TMEM240: variants seen among roughly 807,000 people sequenced by gnomAD.
The protein encoded by TMEM240 is transmembrane protein 240.
In TMEM240, 3 loss-of-function variants were observed where a neutral mutation model predicts 19.5. The observed-to-expected ratio is 0.15, with a 90% CI of 0.07 to 0.40. The LOEUF is 0.40. Among genes scored for constraint, TMEM240 ranks in the 10% least tolerant of loss-of-function variants. The pLI, the probability that TMEM240 is intolerant of heterozygous loss-of-function variation, is 1.00. For synonymous variants in TMEM240, 123 were observed against 109.3 expected (o/e 1.13, Z -0.78); for missense variants, 210 against 253.5 (o/e 0.83, Z 1.17).
At chr1:1,537,327 C>A (rs557255625) in intron 2 of TMEM240, among the ~76,000 whole-genome samples, 73 of 152,214 alleles carry the variant, frequency 4.8e-4, no homozygotes, top group African/African-American at 1.7e-3. Flanking sequence ...TGGTGACGAG[C>A]CTGTCCACAG....
chr1:1,538,812 C>T (rs1642259251), intron 2 of TMEM240, among the ~76,000 whole-genome samples: 1 of 152,228 alleles, frequency 6.6e-6, no homozygotes, highest in South Asian at 2.1e-4. Flanking sequence ...CACAGAGACC[C>T]CCGGAGCAGG....
chr1:1,535,474 C>T lies in TMEM240; in HGVS notation c.407G>A (p.Ser136Asn), dbSNP rs975998629. 2.0e-5 allele frequency: 31 copies of T among 1,548,528 alleles called. No homozygotes were observed. Among genetic ancestry groups the T allele is most frequent in the Admixed American group, 5.9e-5 (3 of 50,886 alleles). ...GSWTWLPKLC[S>N]LRELGRRPHR... ...CGGCCGCCGGCCCAGCTCCCGCAGG[C>T]TGCACAGCTTGGGCAGCCAGGTCCA... Residue 136 changes from serine to asparagine, a missense_variant, in exon 4 of 4, where the codon AGC becomes AAC. By Grantham distance (46) the Ser-to-Asn change is conservative. Around this residue, in one of 3 missense-constraint regions of TMEM240, gnomAD observed 157 missense variants for 168.2 expected, o/e 0.93. Coordinates refer to ENST00000378733, the MANE Select transcript of TMEM240 (RefSeq NM_001114748.2). The surrounding 1 kb of genome is among the most constrained non-coding windows in gnomAD (Gnocchi z 8.2).
chr1:1,535,449 C>A lies in TMEM240; in HGVS notation c.432G>T (p.Pro144=). 6.5e-7 allele frequency: 1 copy of A among 1,549,024 alleles called. No homozygotes were observed. Among genetic ancestry groups the A allele is most frequent in the Non-Finnish European group, 8.7e-7 (1 of 1,146,274 alleles). Residue 144 remains proline, a synonymous_variant, in exon 4 of 4, where the codon CCG becomes CCT. Transcript: ENST00000378733. The surrounding 1 kb of genome is among the most constrained non-coding windows in gnomAD (Gnocchi z 8.2). ...LCSLRELGRR[P]HRPFEEAAGN... ...CGGCGGCCTCCTCGAAGGGCCTGTG[C>A]GGCCGCCGGCCCAGCTCCCGCAGGC...
At chr1:1,538,651 C>G (rs1642257110) in intron 2 of TMEM240, among the ~76,000 whole-genome samples, 1 of 152,242 alleles carries the variant, frequency 6.6e-6, no homozygotes, top group African/African-American at 2.4e-5. Flanking sequence ...ACCCTGTGCC[C>G]AGCACACGTG....
chr1:1,540,560 C>T lies in TMEM240; in HGVS notation c.-214G>A, dbSNP rs1203232243. 4.8e-5 allele frequency: 8 copies of T among 166,148 alleles called. No homozygotes were observed. In the East Asian group the frequency reaches 1.1e-3, roughly 22 times the overall value. The allele number at this position is 166,148 out of a possible 1,614,324, so 10.3% of individuals were successfully genotyped here. A position where few individuals can be genotyped will look rare whatever the true frequency, so the allele number is the denominator to read the frequency against. On this transcript the variant is annotated 5_prime_UTR_variant, in exon 1 of 4. Coordinates refer to ENST00000378733, the MANE Select transcript of TMEM240 (RefSeq NM_001114748.2). ...CGGGGCCTTTCTGGGGTCTCTCGGC[C>T]CGGCCCGCCGCGCTCCGCTCCGCCC...
intron 2 of TMEM240, among the ~76,000 whole-genome samples, chr1:1,537,749 G>A (rs549169363): frequency 6.6e-6 from 1 of 152,302 alleles, no homozygotes; most frequent in East Asian, 1.9e-4. Context: ...GTGATACTGT[G>A]GACATGGGCC....
At chr1:1,538,284 C>T (rs1329301715) in intron 2 of TMEM240, among the ~76,000 whole-genome samples, 2 of 152,322 alleles carry the variant, frequency 1.3e-5, no homozygotes, top group Admixed American at 6.5e-5. Flanking sequence ...GCAGCAATAC[C>T]GTCTACAGCA....
In TMEM240 at chr1:1,535,897, G is replaced by T; in HGVS notation, c.165-100C>A. On this transcript the variant is annotated intron_variant, in intron 2 of 3. Transcript: ENST00000378733. The surrounding 1 kb of genome is among the most constrained non-coding windows in gnomAD (Gnocchi z 8.2). Reference sequence around the variant, plus strand: ...GGTGGGGGTGTGACCGCGTCAGGCCGCCCTGGGGGTTCTCTGAAGCAGCCT... The same window carrying T: ...GGTGGGGGTGTGACCGCGTCAGGCCTCCCTGGGGGTTCTCTGAAGCAGCCT... 1.7e-6 allele frequency: 1 copy of T among 602,560 alleles called. No individual in the cohort carries two copies. The highest frequency in any genetic ancestry group is 2.8e-6 in the Non-Finnish European group (1 of 359,374). 37.3% of individuals were successfully genotyped at this position (602,560 alleles called of 1,614,324 possible).
In TMEM240 at chr1:1,535,182, C is replaced by G. The variant is rs575046391; in HGVS notation, c.*177G>C. On this transcript the variant is annotated 3_prime_UTR_variant, in exon 4 of 4. Transcript: ENST00000378733. The surrounding 1 kb of genome is among the most constrained non-coding windows in gnomAD (Gnocchi z 8.2). ...CCCCACCCTAGCCCACACCCCAACC[C>G]CCTTTATAAAAAGAAGAGACAGCAC... 2.2e-4 allele frequency: 155 copies of G among 690,374 alleles called. 3 individuals are homozygous for G. The Admixed American group carries it at 2.3e-3, about 10-fold the overall frequency. 42.8% of individuals were successfully genotyped at this position (690,374 alleles called of 1,614,324 possible). A position where few individuals can be genotyped will look rare whatever the true frequency, so the allele number is the denominator to read the frequency against.
chr1:1,536,219 T>C lies in TMEM240; in HGVS notation c.165-422A>G, dbSNP rs1642218486. 6.6e-6 allele frequency among the ~76,000 whole-genome samples: 1 copy of C among 152,092 alleles called. No homozygotes were observed. Among genetic ancestry groups the C allele is most frequent in the South Asian group, 2.1e-4 (1 of 4,834 alleles). On this transcript the variant is annotated intron_variant, in intron 2 of 3. Transcript: ENST00000378733. The surrounding 1 kb of genome is among the most constrained non-coding windows in gnomAD (Gnocchi z 5.4). ...CCCGCCCCGGGGCCGCGGAGGCCAC[T>C]TGGAGCAGAGCTGGACACAGGGAGC...
chr1:1,538,514 G>C (rs530404431), intron 2 of TMEM240, among the ~76,000 whole-genome samples: 11 of 152,364 alleles, frequency 7.2e-5, no homozygotes, highest in East Asian at 1.9e-4. Context: ...TCTGGAGCTC[G>C]GGTCTGGGCC....
At position 1,536,391 on chromosome 1, in the gene TMEM240, C is replaced by T. The variant is rs1044732401; in HGVS notation, c.165-594G>A. Among the ~76,000 whole-genome samples, 5 of 152,158 alleles carry T rather than the reference C, an allele frequency of 3.3e-5. No individual in the cohort carries two copies. Among genetic ancestry groups the T allele is most frequent in the Admixed American group, 6.5e-5 (1 of 15,276 alleles). ...CCCTGGGAGGTGCTGTCGGAGGCCA[C>T]GGGGGCTCTACCCAGCACCCCATCC... On this transcript the variant is annotated intron_variant, in intron 2 of 3. Coordinates refer to ENST00000378733, the MANE Select transcript of TMEM240 (RefSeq NM_001114748.2). This position sits in a 1 kb window ranked among gnomAD's most constrained non-coding sequence, Gnocchi z 5.4.
rs1464779610 is a variant in TMEM240, at chr1:1,535,650, C to G, written c.312G>C (p.Leu104=). 1 of 1,549,920 alleles carries G rather than the reference C, an allele frequency of 6.5e-7. No individual in the cohort carries two copies. Among genetic ancestry groups the G allele is most frequent in the Non-Finnish European group, 8.7e-7 (1 of 1,146,642 alleles). ...LLLGFCISWF[L]VWMDGVLHCA... The stretch of plus-strand genomic sequence containing the variant: ...AGTGCAGGACGCCGTCCATCCACAC[C>G]AGGAACCAGCTGATGCAAAAGCCCA... The change falls in exon 3 of 4, where the codon CTG becomes CTC. Residue 104 remains leucine, a synonymous_variant. Transcript: ENST00000378733. This position sits in a 1 kb window ranked among gnomAD's most constrained non-coding sequence, Gnocchi z 8.2.
At position 1,540,518 on chromosome 1, in the gene TMEM240, G is replaced by GA. The variant is rs1642291507; in HGVS notation, c.-173_-172insT. On this transcript the variant is annotated 5_prime_UTR_variant, in exon 1 of 4. Transcript: ENST00000378733. ...CGGGGGGAGGAGGCGCGGGGGGGGG[G>GA]GCGCCGGGGAGGGACGCGGGGCCTT... 1 of 167,360 alleles carries GA rather than the reference G, an allele frequency of 6.0e-6. No individual in the cohort carries two copies. Among genetic ancestry groups the GA allele is most frequent in the Admixed American group, 6.4e-5 (1 of 15,716 alleles). 10.4% of individuals were successfully genotyped at this position (167,360 alleles called of 1,614,324 possible).
chr1:1,540,242 C>A (rs1642282822), intron 1 of TMEM240, 48 bp downstream of exon 1: 4 of 1,147,600 alleles, frequency 3.5e-6, no homozygotes, highest in Non-Finnish European at 4.3e-6. Flanking sequence ...CCAGGCGGCG[C>A]GCGCGGGCGG....
intron 1 of TMEM240, 85 bp downstream of exon 1, chr1:1,540,205 G>C: frequency 1.1e-6 from 1 of 930,612 alleles, no homozygotes; most frequent in East Asian, 3.6e-5. Context: ...AGGCCGCACG[G>C]GCGGTAAACA....
At chr1:1,539,899 G>A in intron 1 of TMEM240, 109 bp from the exon 2 acceptor site, 2 of 902,910 alleles carry the variant, frequency 2.2e-6, no homozygotes, top group Non-Finnish European at 3.3e-6. Context: ...GAGCGAGAGC[G>A]CAGGCCGGGG....
Position 1,535,912 on chromosome 1 carries a change from TGAAG to T in TMEM240, c.165-119_165-116del. 1.6e-6 allele frequency: 1 copy of T among 624,504 alleles called. No individual in the cohort carries two copies. Among genetic ancestry groups the T allele is most frequent in the Non-Finnish European group, 2.8e-6 (1 of 356,632 alleles). 38.7% of individuals were successfully genotyped at this position (624,504 alleles called of 1,614,324 possible). On this transcript the variant is annotated intron_variant, in intron 2 of 3. Coordinates refer to ENST00000378733, the MANE Select transcript of TMEM240 (RefSeq NM_001114748.2). The surrounding 1 kb of genome is among the most constrained non-coding windows in gnomAD (Gnocchi z 8.2). ...GCGTCAGGCCGCCCTGGGGGTTCTC[TGAAG>T]CAGCCTCTTGGGCGGGCGGGTCGGG...
chr1:1,535,419 G>C lies in TMEM240; in HGVS notation c.462C>G (p.Asn154Lys), dbSNP rs1236701401. The C allele has an allele frequency of 6.5e-7, 1 of 1,549,724 alleles. No individual in the cohort carries two copies. The highest frequency in any genetic ancestry group is 1.2e-5 in the South Asian group (1 of 84,020). ...AGAGTTTCTGCTTCACGTGTACCAT[G>C]TTCCCGGCGGCCTCCTCGAAGGGCC... Reference protein sequence around the residue: ...PHRPFEEAAGNMVHVKQKLYH... With the variant: ...PHRPFEEAAGKMVHVKQKLYH... Residue 154 changes from asparagine (N) to lysine (K), a missense_variant, in exon 4 of 4, where the codon AAC (asparagine) becomes AAG (lysine). Around this residue, in one of 3 missense-constraint regions of TMEM240, gnomAD observed 157 missense variants for 168.2 expected, o/e 0.93. Transcript: ENST00000378733. This position sits in a 1 kb window ranked among gnomAD's most constrained non-coding sequence, Gnocchi z 8.2.
Sources: gnomAD v4.1 joint callset for allele counts (sites outside exome capture counted in the v4.1 genomes callset) on GRCh38, gnomAD v4.1.1 for gene constraint, gnomAD v4.1.1 regional missense constraint, Gnocchi (gnomAD v3.1) non-coding constraint, MANE v1.5 for transcripts, NCBI Gene and HGNC (gene_info 2026-07-23, HGNC 2026-07-21) for gene names.